ESCO2: variants seen among roughly 807,000 people sequenced by gnomAD.
ESCO2 encodes establishment of sister chromatid cohesion N-acetyltransferase 2.
ESCO2 carries 51 observed loss-of-function variants against 61.7 expected under a neutral mutation model. The observed-to-expected ratio is 0.83, with a 90% CI of 0.66 to 1.04. ESCO2 has a LOEUF of 1.04. Ranked by LOEUF, ESCO2 falls within the 50% of genes least tolerant of loss-of-function variation. The probability of loss-of-function intolerance (pLI) is 0.00; values close to 1 mark genes in which losing one functional copy is unlikely to be tolerated. For synonymous variants in ESCO2, 230 were observed against 238.2 expected (o/e 0.97, Z 0.32); for missense variants, 692 against 686.2 (o/e 1.01, Z -0.09).
downstream of ESCO2, among the ~76,000 whole-genome samples, chr8:27,816,865 GTATTC>G (rs1401460243): frequency 6.6e-6 from 1 of 151,804 alleles, no homozygotes; most frequent in Non-Finnish European, 1.5e-5. Flanking sequence ...TGGATATATG[GTATTC>G]TATTGTGTGG....
chr8:27,789,940 G>A (rs1232224433), intron 7 of ESCO2, among the ~76,000 whole-genome samples: 3 of 152,238 alleles, frequency 2.0e-5, no homozygotes, highest in African/African-American at 7.2e-5. Context: ...GAGAAAGTGT[G>A]TATGTGTGTA....
downstream of ESCO2, among the ~76,000 whole-genome samples, chr8:27,816,915 T>C (rs1176313238): frequency 6.6e-6 from 1 of 152,156 alleles, no homozygotes; most frequent in East Asian, 1.9e-4. Context: ...TTGGTGGACA[T>C]TCTCACACAT....
intron 4 of ESCO2, among the ~76,000 whole-genome samples, chr8:27,781,244 G>A (rs1015831190): frequency 9.9e-5 from 15 of 151,370 alleles, no homozygotes; most frequent in Middle Eastern, 3.4e-3. Context: ...ATGGACTTGG[G>A]TTAAGTAACT....
At chr8:27,773,966 T>G (rs1230466834), upstream of ESCO2, among the ~76,000 whole-genome samples, 1 of 152,198 alleles carries the variant, frequency 6.6e-6, no homozygotes, top group Non-Finnish European at 1.5e-5. Context: ...CAATAGATAT[T>G]AATGCCTTAC....
At chr8:27,806,661 C>A (rs1405775042), downstream of ESCO2, among the ~76,000 whole-genome samples, 2 of 151,294 alleles carry the variant, frequency 1.3e-5, no homozygotes, top group Non-Finnish European at 2.9e-5. Context: ...CTCTTGTTGC[C>A]CAGGCTGGAG....
chr8:27,801,478 T>C (rs75866791), intron 10 of ESCO2, among the ~76,000 whole-genome samples: 2,500 of 152,236 alleles, frequency 0.016, 26 homozygotes, highest in Non-Finnish European at 0.023. Flanking sequence ...GTAGGAAAAA[T>C]TGGTATCTTA....
Position 27,796,127 on chromosome 8 carries a change from GGTTA to G in ESCO2, c.1497+3320_1497+3323del, listed in dbSNP as rs756994168. On this transcript the variant is annotated intron_variant, in intron 9 of 10. Coordinates refer to ENST00000305188, the MANE Select transcript of ESCO2 (RefSeq NM_001017420.3). ...AAACTGATTGAATCTCCTTTTTATTGGTTAGTTTAGATTTTCTGTTTCTTCATGA... is the reference window on the plus strand; with the variant it reads ...AAACTGATTGAATCTCCTTTTTATTGGTTTAGATTTTCTGTTTCTTCATGA... 8.7e-5 allele frequency among the ~76,000 whole-genome samples: 13 copies of G among 149,358 alleles called. No homozygotes were observed. The East Asian group carries it at 2.4e-3, about 27-fold the overall frequency.
chr8:27,788,062 C>G (rs1805088235), intron 6 of ESCO2, 60 bp downstream of exon 6: 1 of 1,196,612 alleles, frequency 8.4e-7, no homozygotes, highest in Non-Finnish European at 1.2e-6. Flanking sequence ...GCTTGCCAAC[C>G]CCTGTATTAG....
chr8:27,781,120 G>T (rs1249421803), intron 4 of ESCO2, among the ~76,000 whole-genome samples: 1 of 152,108 alleles, frequency 6.6e-6, no homozygotes, highest in African/African-American at 2.4e-5. Context: ...GGATATGGGA[G>T]AAATCATAAA....
intron 7 of ESCO2, among the ~76,000 whole-genome samples, chr8:27,789,546 G>A (rs1045326256): frequency 6.6e-5 from 10 of 152,108 alleles, no homozygotes; most frequent in Admixed American, 2.0e-4. Flanking sequence ...TTGGGAGGCC[G>A]AGGTGGGTGG....
downstream of ESCO2, among the ~76,000 whole-genome samples, chr8:27,807,650 T>A (rs1306191136): frequency 2.0e-5 from 3 of 152,224 alleles, no homozygotes; most frequent in Admixed American, 6.5e-5. Context: ...TTTGTTAGTA[T>A]TTTTGAAGAT....
chr8:27,775,109 G>C (rs151005895), intron 1 of ESCO2, among the ~76,000 whole-genome samples: 3 of 152,210 alleles, frequency 2.0e-5, no homozygotes, highest in Non-Finnish European at 4.4e-5. Context: ...GTTTTCAGCA[G>C]CCTTACGACT....
downstream of ESCO2, among the ~76,000 whole-genome samples, chr8:27,815,524 C>A (rs1437432306): frequency 6.6e-6 from 1 of 152,036 alleles, no homozygotes; most frequent in Admixed American, 6.6e-5. Context: ...GAATTCATGA[C>A]AAGAGAAAAG....
In ESCO2 at chr8:27,788,832, A is replaced by AC. The variant is rs1388540656; in HGVS notation, c.1132-9dup. The AC allele has an allele frequency of 1.9e-6, 3 of 1,613,474 alleles. No individual in the cohort carries two copies. The highest frequency in any genetic ancestry group is 1.7e-5 in the Admixed American group (1 of 59,958). On this transcript the variant is annotated splice_polypyrimidine_tract_variant and intron_variant, in intron 6 of 10. Coordinates refer to ENST00000305188, the MANE Select transcript of ESCO2 (RefSeq NM_001017420.3). ...TATATTTAAATGGGTTTCTTTTTTT[A>AC]CCCCCCAATTATAGGACGCTGGTCA...
chr8:27,807,811 G>A (rs976095107), downstream of ESCO2, among the ~76,000 whole-genome samples: 12 of 152,102 alleles, frequency 7.9e-5, no homozygotes, highest in African/African-American at 1.4e-4. Flanking sequence ...TAATACCATC[G>A]TAAGTAGTGT....
the ESCO2 span, among the ~76,000 whole-genome samples, chr8:27,818,749 T>A: frequency 6.6e-6 from 1 of 152,082 alleles, no homozygotes; most frequent in Non-Finnish European, 1.5e-5. Flanking sequence ...TCTTTTTTTT[T>A]AAATGGAGGT....
chr8:27,784,493 T>C (rs1445347162), intron 5 of ESCO2, among the ~76,000 whole-genome samples: 1 of 152,208 alleles, frequency 6.6e-6, no homozygotes, highest in Non-Finnish European at 1.5e-5. Context: ...CATTAGGTTA[T>C]ATTGCCTTCC....
At chr8:27,772,187 G>A (rs1585384714), upstream of ESCO2, 3 of 459,804 alleles carry the variant, frequency 6.5e-6, no homozygotes, top group African/African-American at 2.0e-5. Flanking sequence ...GAAGACTTGG[G>A]ATAAGGTGTG....
rs1274201824 is a variant in ESCO2 at position 27,781,074 on chromosome 8, GAA to G, written c.955+811_955+812del. Among the ~76,000 whole-genome samples, 4 of 152,172 alleles carry G rather than the reference GAA, an allele frequency of 2.6e-5. No homozygotes were observed. In the East Asian group the frequency reaches 7.7e-4, roughly 29 times the overall value. ...AGTACATTGTCTAAGTCAATTTAAA[GAA>G]AAATAGTGAATAAAAATAATACAAA... On this transcript the variant is annotated intron_variant, in intron 4 of 10. Coordinates refer to ENST00000305188, the MANE Select transcript of ESCO2 (RefSeq NM_001017420.3).
Sources: allele counts gnomAD v4.1 joint callset (sites outside exome capture counted in the v4.1 genomes callset), GRCh38; gene constraint gnomAD v4.1.1; transcripts MANE v1.5; gene names NCBI Gene and HGNC (gene_info 2026-07-23, HGNC 2026-07-21).